The following SAFB2 variants were observed in gnomAD, a reference collection of about 807,000 sequenced individuals.
SAFB2 encodes the protein scaffold attachment factor B2.
Under a neutral mutation model 100.6 loss-of-function variants are expected in SAFB2, and 32 were observed. The observed-to-expected ratio is 0.32, with a 90% CI of 0.24 to 0.43. The LOEUF is 0.43. SAFB2 is among the 20% of genes least tolerant of loss of function. The pLI is 1.00. For missense variants in SAFB2, 1,185 were observed against 1,163.4 expected, an observed-to-expected ratio of 1.02 and a Z score of -0.27; for synonymous variants, 500 against 439.4, an observed-to-expected ratio of 1.14 and a Z score of -1.72.
At chr19:5,593,068 C>T (rs1339475865) in intron 15 of SAFB2, among the ~76,000 whole-genome samples, 181 bp from the exon 16 acceptor site, 4 of 152,116 alleles carry the variant, frequency 2.6e-5, no homozygotes, top group African/African-American at 9.7e-5. Flanking sequence ...ATTAAAACCG[C>T]CATTAACAGC....
intron 9 of SAFB2, among the ~76,000 whole-genome samples, chr19:5,607,240 G>A (rs182885495): frequency 2.0e-5 from 3 of 152,158 alleles, no homozygotes; most frequent in Non-Finnish European, 2.9e-5. Context: ...CAGCCTAGGC[G>A]ACAGAGCGAG....
chr19:5,613,908 T>TA (rs1430992856), intron 4 of SAFB2, among the ~76,000 whole-genome samples: 1 of 152,200 alleles, frequency 6.6e-6, no homozygotes, highest in Non-Finnish European at 1.5e-5. Context: ...ACTCTTAAGG[T>TA]AACACTAACC....
chr19:5,598,986 G>T, intron 12 of SAFB2, 102 bp from the exon 13 acceptor site: 1 of 963,906 alleles, frequency 1.0e-6, no homozygotes, highest in Non-Finnish European at 1.6e-6. Flanking sequence ...CACACAAGGC[G>T]TGAGTCAAGT....
At chr19:5,588,948 A>G (rs899547826) in intron 18 of SAFB2, 68 of 152,286 alleles carry the variant, frequency 4.5e-4, no homozygotes, top group African/African-American at 1.5e-3. Context: ...CTGAGTCCCA[A>G]GTGGCCAAGC....
Position 5,592,778 on chromosome 19 carries a change from G to C in SAFB2, c.2317C>G (p.Arg773Gly). 6.2e-7 allele frequency: 1 copy of C among 1,614,160 alleles called. No homozygotes were observed. The highest frequency in any genetic ancestry group is 8.5e-7 in the Non-Finnish European group (1 of 1,180,028). The stretch of plus-strand genomic sequence containing the variant: ...ATGGCGTGGTCCTGGTACTGGCCCC[G>C]GTCTCGATGATCGAAGTCGTGAAAG... Reference protein sequence around the residue: ...HRFHDFDHRDRGQYQDHAIDR... With the variant: ...HRFHDFDHRDGGQYQDHAIDR... The change falls in exon 16 of 21, where the codon CGG (arginine) becomes GGG (glycine). Residue 773 changes from arginine (R) to glycine (G), a missense_variant. Transcript: ENST00000252542.
chr19:5,590,557 C>A lies in SAFB2; in HGVS notation c.2395-149G>T, dbSNP rs139533982. On this transcript the variant is annotated intron_variant, in intron 17 of 20. Transcript: ENST00000252542. ...GGGTGCAGTCTCAGCCCTGCTGGGC[C>A]CTGCTTCACTGACCCTCTGCTCCCT... is the stretch of plus-strand genomic sequence containing the variant. 582 of 875,518 alleles carry A rather than the reference C, an allele frequency of 6.6e-4. 6 individuals are homozygous for A. In the East Asian group the frequency reaches 0.018, roughly 27 times the overall value. The allele number at this position is 875,518 out of a possible 1,614,324, so 54.2% of individuals were successfully genotyped here. A position where few individuals can be genotyped will look rare whatever the true frequency, so the allele number is the denominator to read the frequency against.
At chr19:5,590,561 C>T (rs1488904936) in intron 17 of SAFB2, among the ~76,000 whole-genome samples, 153 bp from the exon 18 acceptor site, 1 of 152,162 alleles carries the variant, frequency 6.6e-6, no homozygotes, top group African/African-American at 2.4e-5. Flanking sequence ...CTGGGCCCTG[C>T]TTCACTGACC....
chr19:5,593,939 C>T lies in SAFB2; in HGVS notation c.2159G>A (p.Arg720His), dbSNP rs1285318237. The T allele has an allele frequency of 1.3e-6, 2 of 1,553,104 alleles. No individual in the cohort carries two copies. The highest frequency in any genetic ancestry group is 1.2e-5 in the South Asian group (1 of 83,162). The change falls in exon 15 of 21, where the codon CGT becomes CAT. Residue 720 changes from arginine (R) to histidine (H), a missense_variant. Physicochemically the swap from Arg to His is conservative, Grantham distance 29 (BLOSUM62 0). Transcript: ENST00000252542. ...CCCGGGCCGCCGCTCCTGCTCGTAA[C>T]GCAGCTGCTCCTGCTGGCGCCGCAG... is the stretch of plus-strand genomic sequence containing the variant. ...EELRRQQEQL[R>H]YEQERRPGRR...
At chr19:5,590,725 T>C (rs1002884672) in intron 17 of SAFB2, among the ~76,000 whole-genome samples, 1 of 152,140 alleles carries the variant, frequency 6.6e-6, no homozygotes, top group African/African-American at 2.4e-5. Flanking sequence ...CCCTGAGAAG[T>C]TGGGCGCCGC....
intron 9 of SAFB2, among the ~76,000 whole-genome samples, chr19:5,609,711 G>A (rs1364050134): frequency 6.6e-6 from 1 of 152,230 alleles, no homozygotes; most frequent in African/African-American, 2.4e-5. Context: ...GCACTGTTGT[G>A]ATATGACCAA....
At chr19:5,599,324 T>C (rs929180070) in intron 12 of SAFB2, among the ~76,000 whole-genome samples, 3 of 152,192 alleles carry the variant, frequency 2.0e-5, no homozygotes, top group African/African-American at 7.2e-5. Flanking sequence ...TGGGCTTCCC[T>C]CCATTCATCT....
chr19:5,588,101 G>T, intron 18 of SAFB2, 121 bp from the exon 19 acceptor site: 1 of 822,016 alleles, frequency 1.2e-6, no homozygotes, highest in Non-Finnish European at 1.9e-6. Flanking sequence ...AGGGCTGCAT[G>T]TCAAGTGGGC....
At chr19:5,588,865 A>C (rs1306187797) in intron 18 of SAFB2, 3 of 152,264 alleles carry the variant, frequency 2.0e-5, no homozygotes, top group Non-Finnish European at 4.4e-5. Context: ...TGTCGTGTGA[A>C]CTATACTTAA....
intron 13 of SAFB2, among the ~76,000 whole-genome samples, chr19:5,596,904 AAAAC>A (rs2052546202): frequency 6.6e-6 from 1 of 152,216 alleles, no homozygotes; most frequent in Non-Finnish European, 1.5e-5. Flanking sequence ...CGAGCAATGA[AAAAC>A]AAACCAACCC....
intron 17 of SAFB2, chr19:5,591,257 A>T (rs1264866700): frequency 6.5e-6 from 1 of 153,776 alleles, no homozygotes; most frequent in Non-Finnish European, 1.4e-5. Context: ...ATTACAAAAC[A>T]ATCAAATATT....
intron 4 of SAFB2, among the ~76,000 whole-genome samples, chr19:5,615,168 C>G (rs1052408961): frequency 2.6e-5 from 4 of 152,090 alleles, no homozygotes; most frequent in African/African-American, 9.7e-5. Context: ...TCATGGCCAA[C>G]ATGGTGAAAC....
chr19:5,604,656 T>C lies in SAFB2; in HGVS notation c.1486A>G (p.Lys496Glu). Reference protein sequence around the residue: ...EPAGKKLSDRKECEVKKEKLS... With the variant: ...EPAGKKLSDREECEVKKEKLS... ...TTTTCCTTCTTCACTTCGCACTCTT[T>C]TCTGTCGGAAAGCTTTTTCCCAGCA... The change falls in exon 11 of 21, where the codon AAA becomes GAA. Residue 496 changes from lysine (K) to glutamate (E), a missense_variant. Physicochemically the swap from Lys to Glu is moderately conservative, Grantham distance 56 (BLOSUM62 1). Transcript: ENST00000252542. 6.2e-7 allele frequency: 1 copy of C among 1,614,222 alleles called. No individual in the cohort carries two copies. Among genetic ancestry groups the C allele is most frequent in the African/African-American group, 1.3e-5 (1 of 75,054 alleles).
At chr19:5,616,080 C>A in intron 4 of SAFB2, 52 bp downstream of exon 4, 2 of 1,566,456 alleles carry the variant, frequency 1.3e-6, no homozygotes, top group Non-Finnish European at 1.8e-6. Flanking sequence ...CACGCGAGCA[C>A]CAGGTGCCTC....
chr19:5,587,267 G>A lies in SAFB2; in HGVS notation c.2838C>T (p.Tyr946=), dbSNP rs2052272682. 1.2e-6 allele frequency: 2 copies of A among 1,613,196 alleles called. No individual in the cohort carries two copies. Among genetic ancestry groups the A allele is most frequent in the South Asian group, 2.2e-5 (2 of 91,034 alleles). The part of the protein sequence containing the change: ...VPHPHPHPPP[Y]PHFTRRY ...CTTAGTAGCGGCGGGTGAAGTGGGGGTACGGGGGGGGATGAGGGTGTGGGT... is the reference window on the plus strand; with the variant it reads ...CTTAGTAGCGGCGGGTGAAGTGGGGATACGGGGGGGGATGAGGGTGTGGGT... The change falls in exon 21 of 21, where the codon TAC becomes TAT. Residue 946 remains tyrosine, a synonymous_variant. Transcript: ENST00000252542. The surrounding 1 kb of genome is among the most constrained non-coding windows in gnomAD (Gnocchi z 4.9).
Sources: gnomAD v4.1 joint callset for allele counts (sites outside exome capture counted in the v4.1 genomes callset) on GRCh38, gnomAD v4.1.1 for gene constraint, Gnocchi (gnomAD v3.1) non-coding constraint, MANE v1.5 for transcripts, NCBI Gene and HGNC (gene_info 2026-07-23, HGNC 2026-07-21) for gene names.